FEM1C: variants seen among roughly 807,000 people sequenced by gnomAD.
FEM1C encodes the protein protein fem-1 homolog C.
FEM1C carries 15 observed loss-of-function variants against 37.6 expected under a neutral mutation model. That is an observed-to-expected ratio of 0.40 (90% confidence interval 0.27 to 0.61). The LOEUF is 0.61. Among genes scored for constraint, FEM1C ranks in the 20% least tolerant of loss-of-function variants. FEM1C has a pLI of 0.42. For synonymous variants in FEM1C, 287 were observed against 272.8 expected (o/e 1.05, Z -0.51); for missense variants, 532 against 749.7 (o/e 0.71, Z 3.39).
chr5:115,537,154 T>A (rs527661874), intron 2 of FEM1C, among the ~76,000 whole-genome samples: 10 of 152,138 alleles, frequency 6.6e-5, no homozygotes, highest in Admixed American at 4.6e-4. Context: ...TCTGGGTCTC[T>A]CCCTATCTCT....
At chr5:115,529,518 C>T (rs1338059389) in intron 2 of FEM1C, among the ~76,000 whole-genome samples, 1 of 151,946 alleles carries the variant, frequency 6.6e-6, no homozygotes, top group Non-Finnish European at 1.5e-5. Context: ...TATTTATTAC[C>T]AGCAGATCTA....
At chr5:115,533,269 C>A (rs990692417) in intron 2 of FEM1C, among the ~76,000 whole-genome samples, 1 of 151,794 alleles carries the variant, frequency 6.6e-6, no homozygotes, top group East Asian at 1.9e-4. Flanking sequence ...ACTTTATTTT[C>A]TTTTATGCCA....
chr5:115,540,421 AT>A (rs1754216306), intron 2 of FEM1C, among the ~76,000 whole-genome samples: 1 of 152,076 alleles, frequency 6.6e-6, no homozygotes, highest in Non-Finnish European at 1.5e-5. Flanking sequence ...CGAGAAAACA[AT>A]TTTTGGCATG....
intron 2 of FEM1C, among the ~76,000 whole-genome samples, chr5:115,532,927 T>A (rs542326800): frequency 1.3e-4 from 20 of 152,208 alleles, no homozygotes; most frequent in African/African-American, 3.6e-4. Context: ...AGGGGTTTAA[T>A]GCAAAGGAGC....
intron 2 of FEM1C, among the ~76,000 whole-genome samples, chr5:115,529,365 A>T (rs1369714502): frequency 2.0e-5 from 3 of 152,142 alleles, no homozygotes; most frequent in African/African-American, 7.2e-5. Context: ...GGAACAACAG[A>T]AACTAGGAGA....
intron 2 of FEM1C, among the ~76,000 whole-genome samples, chr5:115,527,856 C>G (rs1409174337): frequency 1.3e-5 from 2 of 151,946 alleles, no homozygotes. Flanking sequence ...CAAAAATTAG[C>G]TGGGCATGGT....
At chr5:115,537,803 G>C (rs1032811947) in intron 2 of FEM1C, among the ~76,000 whole-genome samples, 7 of 151,952 alleles carry the variant, frequency 4.6e-5, no homozygotes, top group Non-Finnish European at 1.0e-4. Flanking sequence ...AGTTTTCAAA[G>C]TCAAGAAGGA....
chr5:115,533,745 C>T (rs917801914), intron 2 of FEM1C, among the ~76,000 whole-genome samples: 1 of 151,276 alleles, frequency 6.6e-6, no homozygotes, highest in African/African-American at 2.4e-5. Flanking sequence ...AATAAAACAA[C>T]ACAAAGTTCA....
rs575736010 is a variant in FEM1C, at chr5:115,524,838, G to C, written c.1324C>G (p.Leu442Val). The C allele has an allele frequency of 6.2e-7, 1 of 1,610,824 alleles. No individual in the cohort carries two copies. Among genetic ancestry groups the C allele is most frequent in the East Asian group, 2.2e-5 (1 of 44,838 alleles). ...PADPLQLNKA[L>V]SIILHLICLL... ...CAAATTAAGTGCAAAATAATAGAAA[G>C]GGCCTTATTTAACTGTAATGGGTCA... Residue 442 changes from leucine to valine, a missense_variant, in exon 3 of 3, where the codon CTT becomes GTT. Coordinates refer to ENST00000274457, the MANE Select transcript of FEM1C (RefSeq NM_020177.3).
intron 2 of FEM1C, among the ~76,000 whole-genome samples, chr5:115,531,447 T>C (rs1231773373): frequency 6.6e-6 from 1 of 152,128 alleles, no homozygotes; most frequent in Admixed American, 6.6e-5. Flanking sequence ...TATTCAAGGA[T>C]ACGTATTTTA....
chr5:115,540,173 T>C (rs1754210018), intron 2 of FEM1C, among the ~76,000 whole-genome samples: 1 of 152,102 alleles, frequency 6.6e-6, no homozygotes, highest in African/African-American at 2.4e-5. Flanking sequence ...CCTGCCTTAG[T>C]TTCAATTGGT....
Position 115,524,822 on chromosome 5 carries a change from T to C in FEM1C, c.1340A>G (p.His447Arg), listed in dbSNP as rs1753853823. The stretch of plus-strand genomic sequence containing the variant: ...AACTTTCTCTAACAAGCAAATTAAG[T>C]GCAAAATAATAGAAAGGGCCTTATT... Reference protein sequence around the residue: ...QLNKALSIILHLICLLEKVPC... With the variant: ...QLNKALSIILRLICLLEKVPC... Residue 447 changes from histidine (H) to arginine (R), a missense_variant, in exon 3 of 3, where the codon CAC (histidine) becomes CGC (arginine). By Grantham distance (29) the His-to-Arg change is conservative. Coordinates refer to ENST00000274457, the MANE Select transcript of FEM1C (RefSeq NM_020177.3). The C allele has an allele frequency of 6.2e-7, 1 of 1,607,022 alleles. No homozygotes were observed. The highest frequency in any genetic ancestry group is 8.5e-7 in the Non-Finnish European group (1 of 1,177,134).
chr5:115,531,862 T>G (rs1044374787), intron 2 of FEM1C, among the ~76,000 whole-genome samples: 2 of 152,108 alleles, frequency 1.3e-5, no homozygotes, highest in African/African-American at 4.8e-5. Flanking sequence ...TTGCCAAACC[T>G]GCTCTAACCC....
intron 1 of FEM1C, chr5:115,544,172 G>A (rs1020824492): frequency 1.0e-6 from 1 of 985,260 alleles, no homozygotes; most frequent in African/African-American, 1.7e-5. Flanking sequence ...TGCCCCGAAA[G>A]ATTCTCTTTC....
rs531746802 is a variant in FEM1C, at chr5:115,543,411, T to C, written c.83A>G (p.Lys28Arg). The change falls in exon 2 of 3, where the codon AAA becomes AGA. Residue 28 changes from lysine (K) to arginine (R), a missense_variant. Lys to Arg is a conservative substitution (Grantham distance 26). This residue lies in a region of FEM1C where 74 missense variants were observed against 85.0 expected (regional missense o/e 0.87). Transcript: ENST00000274457. ...LLTKLLASKS[K>R]EEVSSLISEK... Reference sequence around the variant, plus strand: ...AGAGATCAAGGAGGAAACCTCCTCTTTGGATTTGCTTGCCAACAATTTGGT... The same window carrying C: ...AGAGATCAAGGAGGAAACCTCCTCTCTGGATTTGCTTGCCAACAATTTGGT... The C allele has an allele frequency of 6.2e-7, 1 of 1,614,164 alleles. No individual in the cohort carries two copies. The highest frequency in any genetic ancestry group is 1.1e-5 in the South Asian group (1 of 91,082).
rs1309736137 is a variant in FEM1C, at chr5:115,522,889, CTTAAG to C, written c.*1414_*1418del. On this transcript the variant is annotated 3_prime_UTR_variant, in exon 3 of 3. Transcript: ENST00000274457. ...ATCTTTTTTAGTACTTTTCACTTAT[CTTAAG>C]TTAAAAGAGCCCTTTCTGTGGCATT... 2 of 151,904 alleles carry C rather than the reference CTTAAG, an allele frequency of 1.3e-5. No homozygotes were observed. The highest frequency in any genetic ancestry group is 3.3e-3 in the Middle Eastern group (1 of 300). 9.4% of individuals were successfully genotyped at this position (151,904 alleles called of 1,614,324 possible).
At chr5:115,538,308 C>G (rs937090600) in intron 2 of FEM1C, among the ~76,000 whole-genome samples, 1 of 151,932 alleles carries the variant, frequency 6.6e-6, no homozygotes, top group Admixed American at 6.6e-5. Context: ...TTTCTGAACC[C>G]CTATATTCTA....
Position 115,522,647 on chromosome 5 carries a change from T to G in FEM1C, c.*1661A>C, listed in dbSNP as rs1753799314. 1 of 152,210 alleles carries G rather than the reference T, an allele frequency of 6.6e-6. No individual in the cohort carries two copies. Among genetic ancestry groups the G allele is most frequent in the African/African-American group, 2.4e-5 (1 of 41,442 alleles). The allele number at this position is 152,210 out of a possible 1,614,324, so 9.4% of individuals were successfully genotyped here. The stretch of plus-strand genomic sequence containing the variant: ...TAATGTGACTGTTTGCATTGATGAC[T>G]CCTTAAATAGTGTAACATCAACCCT... On this transcript the variant is annotated 3_prime_UTR_variant, in exon 3 of 3. Transcript: ENST00000274457.
At chr5:115,542,094 T>A (rs1754254005) in intron 2 of FEM1C, among the ~76,000 whole-genome samples, 1 of 152,196 alleles carries the variant, frequency 6.6e-6, no homozygotes, top group Admixed American at 6.5e-5. Flanking sequence ...TAGATTCGTG[T>A]AAGGGAAGTT....
Sources: allele counts gnomAD v4.1 joint callset (sites outside exome capture counted in the v4.1 genomes callset), GRCh38; gene constraint gnomAD v4.1.1; regional missense constraint gnomAD v4.1.1; transcripts MANE v1.5; gene names NCBI Gene and HGNC (gene_info 2026-07-23, HGNC 2026-07-21).